The following GLIS3 variants were observed in gnomAD, a reference collection of about 807,000 sequenced individuals.
GLIS3 encodes GLIS family zinc finger 3.
GLIS3 carries 53 observed loss-of-function variants against 78.6 expected under a neutral mutation model. That is an observed-to-expected ratio of 0.67 (90% confidence interval 0.54 to 0.85). The LOEUF (loss-of-function observed/expected upper bound fraction) is 0.85, where lower values mean the gene tolerates loss of function less well. Ranked by LOEUF, GLIS3 falls within the 40% of genes least tolerant of loss-of-function variation. GLIS3 has a pLI of 0.00. For synonymous variants in GLIS3, 684 were observed against 509.9 expected (o/e 1.34, Z -4.60); for missense variants, 1,703 against 1,231.1 (o/e 1.38, Z -5.74).
At chr9:3,936,668 C>T (rs1825914778) in intron 5 of GLIS3, among the ~76,000 whole-genome samples, 1 of 152,084 alleles carries the variant, frequency 6.6e-6, no homozygotes, top group South Asian at 2.1e-4. Context: ...AGCAATAGCA[C>T]ACAGTACCGA....
chr9:4,420,433 G>A, the GLIS3 span, among the ~76,000 whole-genome samples: 1 of 152,174 alleles, frequency 6.6e-6, no homozygotes. Flanking sequence ...CAAGCATCTT[G>A]AACCTCAAAC....
At chr9:4,428,176 A>T in the GLIS3 span, among the ~76,000 whole-genome samples, 10 of 151,384 alleles carry the variant, frequency 6.6e-5, no homozygotes, top group South Asian at 2.1e-4. Flanking sequence ...TGCCTACCAA[A>T]AATAATAATA....
the GLIS3 span, among the ~76,000 whole-genome samples, chr9:4,394,843 A>C: frequency 3.3e-5 from 5 of 152,228 alleles, no homozygotes; most frequent in Admixed American, 1.3e-4. Context: ...AACACTGCCA[A>C]ATATAGCCTT....
Position 3,922,905 on chromosome 9 carries a change from G to T in GLIS3, c.1983+9455C>A, listed in dbSNP as rs1023826073. Reference sequence around the variant, plus strand: ...GAATAATGGGTTGCCAAGCAGTAAAGAAGGAAGGAAGTCAGTTGGAGTTAG... The same window carrying T: ...GAATAATGGGTTGCCAAGCAGTAAATAAGGAAGGAAGTCAGTTGGAGTTAG... On this transcript the variant is annotated intron_variant, in intron 6 of 10. Transcript: ENST00000381971. Among the ~76,000 whole-genome samples, 3 of 152,264 alleles carry T rather than the reference G, an allele frequency of 2.0e-5. No homozygotes were observed. The East Asian group carries it at 5.8e-4, about 29-fold the overall frequency.
chr9:4,344,981 A>G (rs1055762276), intron 2 of GLIS3, among the ~76,000 whole-genome samples: 1 of 152,216 alleles, frequency 6.6e-6, no homozygotes, highest in Admixed American at 6.5e-5. Context: ...GAATTATGGC[A>G]TTAGTTACCT....
At chr9:4,334,904 C>CT (rs56017714) in intron 2 of GLIS3, among the ~76,000 whole-genome samples, 72,480 of 107,050 alleles carry the variant, frequency 0.68, 26,611 homozygotes, top group Non-Finnish European at 0.79. Context: ...TCATTTCCAC[C>CT]TTTTTTTTTT....
chr9:4,089,667 T>C (rs1220353038), intron 4 of GLIS3, among the ~76,000 whole-genome samples: 1 of 151,954 alleles, frequency 6.6e-6, no homozygotes, highest in Non-Finnish European at 1.5e-5. Context: ...TTTTGTTTTT[T>C]AATTAGCCAG....
chr9:3,988,363 T>C, intron 4 of GLIS3, among the ~76,000 whole-genome samples: 1 of 152,050 alleles, frequency 6.6e-6, no homozygotes. Context: ...AAAAAGCAAA[T>C]TTACTGTTAT....
chr9:4,300,806 A>G (rs959407603), upstream of GLIS3, among the ~76,000 whole-genome samples: 43 of 152,032 alleles, frequency 2.8e-4, no homozygotes, highest in African/African-American at 4.8e-4. Context: ...CATCACATGT[A>G]TTGCCACAGA....
chr9:4,264,171 T>C (rs7849638), intron 2 of GLIS3, among the ~76,000 whole-genome samples: 57,933 of 152,002 alleles, frequency 0.38, 11,156 homozygotes, highest in Admixed American at 0.42. Flanking sequence ...GGAAATTGTA[T>C]TGCCATTCAC....
chr9:4,058,872 C>T (rs183289366), intron 4 of GLIS3, among the ~76,000 whole-genome samples: 95 of 151,860 alleles, frequency 6.3e-4, no homozygotes, highest in Middle Eastern at 3.4e-3. Flanking sequence ...ATCCCAGCTA[C>T]TGAGGAGGCT....
At chr9:4,380,429 G>A in the GLIS3 span, among the ~76,000 whole-genome samples, 1 of 152,202 alleles carries the variant, frequency 6.6e-6, no homozygotes, top group African/African-American at 2.4e-5. Context: ...TGACAACAGA[G>A]TATTGTTAAC....
chr9:4,190,853 G>C (rs1818266115), intron 2 of GLIS3, among the ~76,000 whole-genome samples: 2 of 152,204 alleles, frequency 1.3e-5, no homozygotes, highest in African/African-American at 4.8e-5. Flanking sequence ...AAGTCTACAA[G>C]CCAGAAGACA....
At chr9:4,419,759 G>A in the GLIS3 span, among the ~76,000 whole-genome samples, 536 of 152,216 alleles carry the variant, frequency 3.5e-3, 2 homozygotes, top group Non-Finnish European at 5.2e-3. Flanking sequence ...CAGCCTGGGA[G>A]ACAGAATGAG....
intron 4 of GLIS3, among the ~76,000 whole-genome samples, chr9:3,937,573 G>A (rs1825966272): frequency 6.6e-6 from 1 of 151,996 alleles, no homozygotes; most frequent in Non-Finnish European, 1.5e-5. Flanking sequence ...TGGAAAGGAA[G>A]AAACTTTCTG....
rs145628073 is a variant in GLIS3 at position 4,026,408 on chromosome 9, T to C, written c.1711-89219A>G. ...TGAAGCAACAATGCCTACAATGAGT[T>C]TCATTAACATGCACTGAAGTATGAA... On this transcript the variant is annotated intron_variant, in intron 4 of 10. Transcript: ENST00000381971. Among the ~76,000 whole-genome samples the C allele has an allele frequency of 4.0e-3, 608 of 152,344 alleles. 6 individuals are homozygous for C. The highest frequency in any genetic ancestry group is 0.013 in the African/African-American group (550 of 41,578).
the GLIS3 span, among the ~76,000 whole-genome samples, chr9:4,483,983 C>G: frequency 6.6e-6 from 1 of 152,146 alleles, no homozygotes; most frequent in Non-Finnish European, 1.5e-5. Context: ...TAGTTTGGGC[C>G]AAGTGCTTAG....
At chr9:4,115,993 C>A (rs949889537) in intron 4 of GLIS3, among the ~76,000 whole-genome samples, 4 of 152,162 alleles carry the variant, frequency 2.6e-5, no homozygotes, top group Admixed American at 6.5e-5. Context: ...TCAGCTTATT[C>A]TTTCACTGAA....
At chr9:3,877,025 C>T (rs1345721102) in intron 8 of GLIS3, among the ~76,000 whole-genome samples, 1 of 151,884 alleles carries the variant, frequency 6.6e-6, no homozygotes, top group East Asian at 1.9e-4. Context: ...AGGCTGCGTA[C>T]AAAAAGGAGA....
Sources: gnomAD v4.1 joint callset for allele counts (sites outside exome capture counted in the v4.1 genomes callset) on GRCh38, gnomAD v4.1.1 for gene constraint, MANE v1.5 for transcripts, NCBI Gene and HGNC (gene_info 2026-07-23, HGNC 2026-07-21) for gene names.